FBXO34: variants seen among roughly 807,000 people sequenced by gnomAD.
FBXO34 encodes the protein F-box protein 34.
A neutral mutation model predicts 24.5 loss-of-function variants in FBXO34; 12 were observed. The observed-to-expected ratio is 0.49, with a 90% CI of 0.31 to 0.79. The LOEUF (loss-of-function observed/expected upper bound fraction) is 0.79, where lower values mean the gene tolerates loss of function less well. Among genes scored for constraint, FBXO34 ranks in the 30% least tolerant of loss-of-function variants. The pLI, the probability that FBXO34 is intolerant of heterozygous loss-of-function variation, is 0.04. For missense variants in FBXO34, 823 were observed against 857.7 expected (o/e 0.96, Z 0.51); for synonymous variants, 320 against 311.9 (o/e 1.03, Z -0.27).
chr14:55,322,093 C>T (rs773953128), intron 1 of FBXO34, among the ~76,000 whole-genome samples: 4 of 152,080 alleles, frequency 2.6e-5, no homozygotes, highest in African/African-American at 4.8e-5. Flanking sequence ...GAGGCTGAGG[C>T]GAGCGGATCA....
chr14:55,282,309 C>A, intron 1 of FBXO34: 3 of 455,382 alleles, frequency 6.6e-6, no homozygotes, highest in South Asian at 4.9e-5. Context: ...AGCTTTTTGA[C>A]TCTGTGCTTG....
At chr14:55,337,359 G>T (rs997493750) in intron 1 of FBXO34, among the ~76,000 whole-genome samples, 5 of 152,120 alleles carry the variant, frequency 3.3e-5, no homozygotes, top group Admixed American at 2.6e-4. Context: ...AAATAAATCC[G>T]TTATAAATTG....
At chr14:55,422,638 G>A in the FBXO34 span, among the ~76,000 whole-genome samples, 5 of 152,186 alleles carry the variant, frequency 3.3e-5, no homozygotes, top group African/African-American at 4.8e-5. Flanking sequence ...GATCACTTGA[G>A]GCCAGAGGTT....
intron 1 of FBXO34, among the ~76,000 whole-genome samples, chr14:55,331,689 ATATATATATATATATGTATATATATATG>A (rs1883551841): frequency 1.6e-5 from 1 of 62,458 alleles, no homozygotes. Context: ...ATATATGTGT[ATATATATATATATATGTATATATATATG>A]TATATATATA....
At chr14:55,330,282 A>G (rs1046714889) in intron 1 of FBXO34, among the ~76,000 whole-genome samples, 1 of 152,052 alleles carries the variant, frequency 6.6e-6, no homozygotes, top group Non-Finnish European at 1.5e-5. Flanking sequence ...TGTTTTAGGA[A>G]TGGTTTGAGC....
intron 1 of FBXO34, among the ~76,000 whole-genome samples, chr14:55,310,192 A>G (rs1882689418): frequency 6.6e-6 from 1 of 152,224 alleles, no homozygotes; most frequent in Non-Finnish European, 1.5e-5. Context: ...TGGAGAAGAG[A>G]TTAGTACTGT....
chr14:55,428,990 T>C, the FBXO34 span: 3 of 1,613,638 alleles, frequency 1.9e-6, no homozygotes, highest in East Asian at 6.7e-5. Flanking sequence ...GAGGGGCAAA[T>C]ATGTTTAAAG....
chr14:55,285,225 T>C (rs1340000725), intron 1 of FBXO34: 1 of 149,888 alleles, frequency 6.7e-6, no homozygotes, highest in Non-Finnish European at 1.5e-5. Flanking sequence ...AATACAAAAT[T>C]AGCCAGGCGT....
At chr14:55,400,563 T>C in the FBXO34 span, among the ~76,000 whole-genome samples, 1 of 152,308 alleles carries the variant, frequency 6.6e-6, no homozygotes. Flanking sequence ...AATAGCCTAG[T>C]GCACTTTTAT....
At chr14:55,343,241 ATTTTT>A (rs377334751) in intron 1 of FBXO34, among the ~76,000 whole-genome samples, 4 of 130,890 alleles carry the variant, frequency 3.1e-5, no homozygotes, top group Admixed American at 7.8e-5. Flanking sequence ...TATTCCTCCG[ATTTTT>A]TTTTTTTTTT....
the FBXO34 span, chr14:55,436,521 G>A: frequency 2.0e-6 from 3 of 1,533,802 alleles, no homozygotes; most frequent in Non-Finnish European, 2.7e-6. Flanking sequence ...TATAAAATGT[G>A]TACCCAATGT....
chr14:55,365,008 CAGG>C (rs1212622889), downstream of FBXO34, among the ~76,000 whole-genome samples: 2 of 146,340 alleles, frequency 1.4e-5, no homozygotes, highest in Non-Finnish European at 1.5e-5. Flanking sequence ...ATCACGAGAT[CAGG>C]AGATTGAGAC....
chr14:55,296,519 C>G (rs960179720), intron 1 of FBXO34, among the ~76,000 whole-genome samples: 7 of 150,840 alleles, frequency 4.6e-5, no homozygotes, highest in Admixed American at 2.0e-4. Flanking sequence ...ATCAGCCTCC[C>G]GAGTAGCTGG....
chr14:55,425,155 C>A, the FBXO34 span, among the ~76,000 whole-genome samples: 1 of 152,188 alleles, frequency 6.6e-6, no homozygotes, highest in Non-Finnish European at 1.5e-5. Flanking sequence ...CAGAAAGGCG[C>A]ATCTTGAAGT....
the FBXO34 span, among the ~76,000 whole-genome samples, chr14:55,382,874 A>G: frequency 4.6e-5 from 7 of 152,204 alleles, no homozygotes; most frequent in Non-Finnish European, 7.3e-5. Context: ...ACTGATACTG[A>G]ATTAGAAATA....
chr14:55,374,784 C>T (rs190707876), downstream of FBXO34, among the ~76,000 whole-genome samples: 4 of 152,320 alleles, frequency 2.6e-5, no homozygotes, highest in Admixed American at 6.5e-5. Flanking sequence ...TCTGATTCAA[C>T]GCCTCCTCTA....
intron 1 of FBXO34, among the ~76,000 whole-genome samples, chr14:55,327,912 T>TTTTTTTTTTTTTTTTG (rs1883400225): frequency 4.0e-5 from 1 of 25,310 alleles, no homozygotes; most frequent in Non-Finnish European, 7.1e-5. Context: ...TTGTTGGTTT[T>TTTTTTTTTTTTTTTTG]TTTTTTTTTT....
chr14:55,295,387 A>AT (rs3051307), intron 1 of FBXO34, among the ~76,000 whole-genome samples: 8,839 of 91,370 alleles, frequency 0.097, 179 homozygotes, highest in Non-Finnish European at 0.13. Context: ...ATTCTTTTCT[A>AT]TTTTTTTTTT....
chr14:55,423,689 A>G, the FBXO34 span, among the ~76,000 whole-genome samples: 2 of 152,252 alleles, frequency 1.3e-5, no homozygotes, highest in African/African-American at 4.8e-5. Flanking sequence ...CACATTTCAG[A>G]GCCCATTCCT....
Sources: gnomAD v4.1 joint callset for allele counts (sites outside exome capture counted in the v4.1 genomes callset) on GRCh38, gnomAD v4.1.1 for gene constraint, MANE v1.5 for transcripts, NCBI Gene and HGNC (gene_info 2026-07-23, HGNC 2026-07-21) for gene names.